Variants in CPLANE1 observed in about 807,000 individuals in gnomAD.
CPLANE1 encodes the protein ciliogenesis and planar polarity effector 1.
CPLANE1 carries 263 observed loss-of-function variants against 362.5 expected under a neutral mutation model. The observed-to-expected ratio is 0.73, with a 90% confidence interval of 0.66 to 0.80. The LOEUF (loss-of-function observed/expected upper bound fraction) is 0.80, where lower values mean the gene tolerates loss of function less well. Ranked by LOEUF, CPLANE1 falls within the 30% of genes least tolerant of loss-of-function variation. The pLI, the probability that CPLANE1 is intolerant of heterozygous loss-of-function variation, is 0.00. For synonymous variants in CPLANE1, 1,212 were observed against 1,302.6 expected (o/e 0.93, Z 1.50); for missense variants, 3,461 against 3,793.4 (o/e 0.91, Z 2.30).
At chr5:37,235,666 AGGTT>A (rs1798818052) in intron 8 of CPLANE1, among the ~76,000 whole-genome samples, 1 of 139,288 alleles carries the variant, frequency 7.2e-6, no homozygotes, top group Non-Finnish European at 1.5e-5. Flanking sequence ...TCTGCCTCCC[AGGTT>A]CAAGCGATTC....
chr5:37,167,499 C>T (rs192829556), intron 34 of CPLANE1, among the ~76,000 whole-genome samples: 2 of 152,328 alleles, frequency 1.3e-5, no homozygotes, highest in East Asian at 1.9e-4. Flanking sequence ...TTTCCTCTGG[C>T]CAAGTGCAGT....
intron 43 of CPLANE1, 79 bp downstream of exon 43, chr5:37,148,102 G>C: frequency 1.1e-6 from 1 of 940,480 alleles, no homozygotes; most frequent in Non-Finnish European, 1.6e-6. Flanking sequence ...TCCTACTTCT[G>C]GCACTCCACA....
the CPLANE1 span, among the ~76,000 whole-genome samples, chr5:37,091,835 C>T: frequency 6.6e-6 from 1 of 152,022 alleles, no homozygotes; most frequent in Non-Finnish European, 1.5e-5. Context: ...CAACCTGGTA[C>T]CGGAGATGAA....
At chr5:37,138,988 T>C in intron 45 of CPLANE1, 140 bp from the exon 46 acceptor site, 1 of 741,288 alleles carries the variant, frequency 1.3e-6, no homozygotes, top group Non-Finnish European at 2.1e-6. Context: ...AATTCTAGTA[T>C]CTCTCAGTGA....
chr5:37,118,400 C>CAAA (rs560421140), intron 50 of CPLANE1, among the ~76,000 whole-genome samples: 10 of 89,252 alleles, frequency 1.1e-4, no homozygotes, highest in East Asian at 3.9e-4. Context: ...CACTGTGTCT[C>CAAA]AAAAAAAAAA....
chr5:37,227,928 A>C, intron 9 of CPLANE1, 111 bp from the exon 10 acceptor site: 1 of 990,780 alleles, frequency 1.0e-6, no homozygotes. Flanking sequence ...AAAGCAAGCA[A>C]GTGAAACACA....
At chr5:37,121,515 G>A in intron 49 of CPLANE1, 102 bp downstream of exon 49, 3 of 997,548 alleles carry the variant, frequency 3.0e-6, no homozygotes, top group Non-Finnish European at 4.6e-6. Flanking sequence ...ACTCTAAGCA[G>A]GGTAAATGCA....
chr5:37,178,802 C>T (rs1479358109), intron 29 of CPLANE1, among the ~76,000 whole-genome samples: 1 of 151,964 alleles, frequency 6.6e-6, no homozygotes, highest in Non-Finnish European at 1.5e-5. Flanking sequence ...CTCTGTTGCC[C>T]AGGCTGGAAT....
intron 43 of CPLANE1, among the ~76,000 whole-genome samples, chr5:37,146,938 C>T (rs1771813508): frequency 1.3e-5 from 2 of 152,218 alleles, no homozygotes; most frequent in South Asian, 4.2e-4. Context: ...AGGGTTATTA[C>T]TTAATGATAA....
In CPLANE1 at chr5:37,177,695, G is replaced by T; in HGVS notation, c.5826C>A (p.Phe1942Leu). 1 of 1,612,060 alleles carries T rather than the reference G, an allele frequency of 6.2e-7. No homozygotes were observed. The highest frequency in any genetic ancestry group is 1.1e-5 in the South Asian group (1 of 90,910). The stretch of plus-strand genomic sequence containing the variant: ...CCCTTTGACACTGAACCTCTTCTGT[G>T]AACTCCTGTTAAAATGAATAGTACC... Reference protein sequence around the residue: ...MTLPQQLEEEFTEEVQCQREE... With the variant: ...MTLPQQLEEELTEEVQCQREE... Residue 1942 changes from phenylalanine to leucine, a missense_variant, in exon 30 of 53, where the codon TTC becomes TTA. Phe to Leu is a conservative substitution (Grantham distance 22, BLOSUM62 0). Coordinates refer to ENST00000651892, the MANE Select transcript of CPLANE1 (RefSeq NM_001384732.1).
At chr5:37,248,347 C>G (rs1370852193) in intron 1 of CPLANE1, among the ~76,000 whole-genome samples, 1 of 152,116 alleles carries the variant, frequency 6.6e-6, no homozygotes, top group Non-Finnish European at 1.5e-5. Flanking sequence ...CCAGGCTGGT[C>G]TCGAACCCCT....
In CPLANE1 at chr5:37,106,982, C is replaced by G; in HGVS notation, c.*620G>C. 4.1e-6 allele frequency: 4 copies of G among 985,418 alleles called. No homozygotes were observed. Among genetic ancestry groups the G allele is most frequent in the Non-Finnish European group, 4.8e-6 (4 of 829,940 alleles). 61.0% of individuals were successfully genotyped at this position (985,418 alleles called of 1,614,324 possible). A position where few individuals can be genotyped will look rare whatever the true frequency, so the allele number is the denominator to read the frequency against. ...GGCCGGAGTCATATTCCCTTACTTT[C>G]CTGCCCAAAGCATCCATTCCTGTTT... is the stretch of plus-strand genomic sequence containing the variant. On this transcript the variant is annotated 3_prime_UTR_variant, in exon 53 of 53. Coordinates refer to ENST00000651892, the MANE Select transcript of CPLANE1 (RefSeq NM_001384732.1).
chr5:37,087,386 AAC>A, the CPLANE1 span, among the ~76,000 whole-genome samples: 1 of 152,172 alleles, frequency 6.6e-6, no homozygotes, highest in Non-Finnish European at 1.5e-5. Context: ...GGGCCAAAAT[AAC>A]AGAGAGGAAA....
chr5:37,241,482 G>A (rs1007991631), intron 6 of CPLANE1, among the ~76,000 whole-genome samples: 4 of 152,076 alleles, frequency 2.6e-5, no homozygotes, highest in African/African-American at 9.7e-5. Context: ...TAGATAGATA[G>A]ATAGGTAGAT....
At chr5:37,176,016 A>T in intron 30 of CPLANE1, 30 bp from the exon 31 acceptor site, 1 of 1,452,020 alleles carries the variant, frequency 6.9e-7, no homozygotes, top group East Asian at 2.3e-5. Flanking sequence ...GGTGATTAGT[A>T]AGCAAGATAT....
At chr5:37,110,740 G>C (rs1410803991) in intron 51 of CPLANE1, among the ~76,000 whole-genome samples, 1 of 151,888 alleles carries the variant, frequency 6.6e-6, no homozygotes, top group East Asian at 1.9e-4. Context: ...GGCTTAGAGA[G>C]GTTATGTAAT....
intron 16 of CPLANE1, 42 bp from the exon 17 acceptor site, chr5:37,206,467 C>A: frequency 8.0e-7 from 1 of 1,245,518 alleles, no homozygotes; most frequent in Non-Finnish European, 1.1e-6. Context: ...CAATCACATC[C>A]AAACTCATGC....
In CPLANE1 at chr5:37,209,420, G is replaced by C; in HGVS notation, c.2921-2995C>G. On this transcript the variant is annotated intron_variant, in intron 16 of 52. Transcript: ENST00000651892. This position sits in a 1 kb window ranked among gnomAD's most constrained non-coding sequence, Gnocchi z 4.6. Reference sequence around the variant, plus strand: ...CTGATGTGTTGAGTCAAAATGAACTGCGCAAAAAGCTATACCAGACATTTA... The same window carrying C: ...CTGATGTGTTGAGTCAAAATGAACTCCGCAAAAAGCTATACCAGACATTTA... 1.6e-6 allele frequency: 2 copies of C among 1,290,218 alleles called. No homozygotes were observed. The highest frequency in any genetic ancestry group is 2.3e-6 in the Non-Finnish European group (2 of 887,172). 79.9% of individuals were successfully genotyped at this position (1,290,218 alleles called of 1,614,324 possible). A position where few individuals can be genotyped will look rare whatever the true frequency, so the allele number is the denominator to read the frequency against.
chr5:37,085,233 G>GAAGT, the CPLANE1 span: 1 of 845,980 alleles, frequency 1.2e-6, no homozygotes, highest in South Asian at 1.3e-5. Flanking sequence ...GACAGGAGAT[G>GAAGT]AAGTAAAGAT....
Sources: gnomAD v4.1 joint callset for allele counts (sites outside exome capture counted in the v4.1 genomes callset) on GRCh38, gnomAD v4.1.1 for gene constraint, Gnocchi (gnomAD v3.1) non-coding constraint, MANE v1.5 for transcripts, NCBI Gene and HGNC (gene_info 2026-07-23, HGNC 2026-07-21) for gene names.